The following NAV3 variants were observed in gnomAD, a reference collection of about 807,000 sequenced individuals.
NAV3 encodes the protein neuron navigator 3, also known as pore membrane and/or filament interacting like protein 1.
In NAV3, 87 loss-of-function variants were observed where a neutral mutation model predicts 244.7. The observed-to-expected ratio is 0.36, with a 90% CI of 0.30 to 0.42. The LOEUF (loss-of-function observed/expected upper bound fraction) is 0.42, where lower values mean the gene tolerates loss of function less well. NAV3 is among the 20% of genes least tolerant of loss of function. The pLI is 1.00. For synonymous variants in NAV3, 1,126 were observed against 1,042.2 expected, an observed-to-expected ratio of 1.08 and a Z score of -1.55; for missense variants, 2,663 against 2,893.3, an observed-to-expected ratio of 0.92 and a Z score of 1.83.
chr12:78,082,219 A>C (rs1953393139), intron 12 of NAV3, among the ~76,000 whole-genome samples: 1 of 152,190 alleles, frequency 6.6e-6, no homozygotes, highest in Admixed American at 6.5e-5. Context: ...ACTGTGAGTC[A>C]ATTAAACTTC....
At chr12:77,810,296 C>T (rs890006627) in intron 2 of NAV3, among the ~76,000 whole-genome samples, 5 of 152,036 alleles carry the variant, frequency 3.3e-5, no homozygotes, top group Admixed American at 1.3e-4. Flanking sequence ...CTCAGCCTCC[C>T]GAGTAGCTGG....
chr12:78,197,098 T>C, intron 34 of NAV3, 149 bp from the exon 35 acceptor site: 3 of 527,890 alleles, frequency 5.7e-6, no homozygotes, highest in Admixed American at 4.3e-5. Context: ...TTTTGATTTG[T>C]AGGAAAAGAT....
chr12:77,963,901 C>G (rs951257618), intron 3 of NAV3, among the ~76,000 whole-genome samples: 9 of 18,780 alleles, frequency 4.8e-4, no homozygotes, highest in East Asian at 9.6e-3. Flanking sequence ...TTCTCCTTCT[C>G]CTTCCTTCTC....
intron 39 of NAV3, among the ~76,000 whole-genome samples, chr12:78,208,292 G>A (rs1960538049): frequency 1.3e-5 from 2 of 152,036 alleles, no homozygotes; most frequent in African/African-American, 4.8e-5. Context: ...CCCCTAACCA[G>A]AATGCCATTA....
chr12:77,781,515 C>T (rs1308981291), intron 2 of NAV3, among the ~76,000 whole-genome samples: 1 of 152,156 alleles, frequency 6.6e-6, no homozygotes, highest in East Asian at 1.9e-4. Context: ...CCTCCCCACC[C>T]CCTGCTTTGA....
intron 2 of NAV3, among the ~76,000 whole-genome samples, chr12:77,724,128 A>G (rs1876769977): frequency 6.6e-6 from 1 of 151,934 alleles, no homozygotes; most frequent in Admixed American, 6.6e-5. Flanking sequence ...AAGTATCAAG[A>G]CATGTTAGAT....
Position 78,021,329 on chromosome 12 carries a change from CAT to C in NAV3, c.1908-415_1908-414del, listed in dbSNP as rs200537442. On this transcript the variant is annotated intron_variant, in intron 8 of 39. Transcript: ENST00000397909. ...AACAAAATTATTTTTTATTTTTACA[CAT>C]ATTTTAAAATATATTTTATAGAATT... 8.4e-4 allele frequency among the ~76,000 whole-genome samples: 127 copies of C among 152,052 alleles called. No homozygotes were observed. In the East Asian group the frequency reaches 0.023, roughly 28 times the overall value.
chr12:78,193,322 A>G (rs991743372), intron 34 of NAV3, among the ~76,000 whole-genome samples: 1 of 152,194 alleles, frequency 6.6e-6, no homozygotes, highest in Non-Finnish European at 1.5e-5. Flanking sequence ...GACATTCGAT[A>G]TAGTAGGCCC....
At chr12:78,097,477 A>G (rs1161947687) in intron 12 of NAV3, among the ~76,000 whole-genome samples, 1 of 152,106 alleles carries the variant, frequency 6.6e-6, no homozygotes, top group Non-Finnish European at 1.5e-5. Flanking sequence ...CTAATTCTGA[A>G]CTATCTTTCA....
Position 78,007,028 on chromosome 12 carries a change from A to T in NAV3, c.1490A>T (p.Lys497Ile), listed in dbSNP as rs2136582790. 1 of 1,614,126 alleles carries T rather than the reference A, an allele frequency of 6.2e-7. No individual in the cohort carries two copies. The highest frequency in any genetic ancestry group is 8.5e-7 in the Non-Finnish European group (1 of 1,180,018). ...GATCAGGTGACAGAGATGGCTCCAAAAAAGACCTCCAAAATTGCAAGCTTG... is the reference window on the plus strand; with the variant it reads ...GATCAGGTGACAGAGATGGCTCCAATAAAGACCTCCAAAATTGCAAGCTTG... Reference protein sequence around the residue: ...EKDQVTEMAPKKTSKIASLIP... With the variant: ...EKDQVTEMAPIKTSKIASLIP... Residue 497 changes from lysine to isoleucine, a missense_variant, in exon 8 of 40, where the codon AAA (lysine) becomes ATA (isoleucine). Physicochemically the swap from Lys to Ile is moderately radical, Grantham distance 102. This residue lies in a region of NAV3 where 1,521 missense variants were observed against 1,497.0 expected (regional missense o/e 1.02). Coordinates refer to ENST00000397909, the MANE Select transcript of NAV3 (RefSeq NM_001024383.2).
intron 12 of NAV3, among the ~76,000 whole-genome samples, chr12:78,083,781 A>G (rs774870956): frequency 2.6e-5 from 4 of 152,148 alleles, no homozygotes; most frequent in Non-Finnish European, 5.9e-5. Flanking sequence ...GAATAATATA[A>G]TCTGACCAGT....
intron 2 of NAV3, among the ~76,000 whole-genome samples, chr12:77,757,580 G>A (rs2135824261): frequency 6.6e-6 from 1 of 152,192 alleles, no homozygotes; most frequent in South Asian, 2.1e-4. Context: ...TCTTCTCCTG[G>A]TATGTCTATG....
intron 9 of NAV3, among the ~76,000 whole-genome samples, chr12:78,028,212 C>A (rs796426676): frequency 1.5e-4 from 23 of 152,224 alleles, no homozygotes; most frequent in African/African-American, 5.5e-4. Context: ...GTGGATCCAT[C>A]AGTGTCACGG....
intron 2 of NAV3, among the ~76,000 whole-genome samples, chr12:77,810,579 C>A (rs1872240928): frequency 6.6e-6 from 1 of 152,038 alleles, no homozygotes; most frequent in Admixed American, 6.6e-5. Flanking sequence ...CTTTTAGAAT[C>A]AAAAAATATT....
intron 2 of NAV3, among the ~76,000 whole-genome samples, chr12:77,640,037 A>T (rs1022169853): frequency 7.2e-5 from 11 of 152,146 alleles, no homozygotes; most frequent in Non-Finnish European, 1.3e-4. Context: ...CATCATCCAA[A>T]TTCTTAGATC....
intron 12 of NAV3, among the ~76,000 whole-genome samples, chr12:78,060,969 T>G (rs565403822): frequency 6.6e-6 from 1 of 152,286 alleles, no homozygotes; most frequent in South Asian, 2.1e-4. Context: ...GGCCCCAGAC[T>G]GGGCTCTGGC....
intron 2 of NAV3, among the ~76,000 whole-genome samples, chr12:77,819,970 A>G (rs183238484): frequency 2.4e-4 from 36 of 152,276 alleles, no homozygotes; most frequent in Admixed American, 1.8e-3. Context: ...TCTTGAGACT[A>G]TGATAATATG....
intron 12 of NAV3, among the ~76,000 whole-genome samples, chr12:78,067,579 T>C (rs537209460): frequency 6.6e-6 from 1 of 152,172 alleles, no homozygotes; most frequent in African/African-American, 2.4e-5. Flanking sequence ...AATTAATTCA[T>C]ACCACATCCA....
intron 9 of NAV3, among the ~76,000 whole-genome samples, chr12:78,034,670 T>C (rs1879553572): frequency 6.6e-6 from 1 of 152,224 alleles, no homozygotes; most frequent in Admixed American, 6.5e-5. Context: ...TATATACTAG[T>C]GTAACAAATG....
Sources: allele counts gnomAD v4.1 joint callset (sites outside exome capture counted in the v4.1 genomes callset), GRCh38; gene constraint gnomAD v4.1.1; regional missense constraint gnomAD v4.1.1; transcripts MANE v1.5; gene names NCBI Gene and HGNC (gene_info 2026-07-23, HGNC 2026-07-21).